Variants in TLL1 observed in about 807,000 individuals in gnomAD.
The protein encoded by TLL1 is tolloid like 1.
A neutral mutation model predicts 128.2 loss-of-function variants in TLL1; 49 were observed. That is an observed-to-expected ratio of 0.38 (90% CI 0.30 to 0.48). The LOEUF is 0.48. Among genes scored for constraint, TLL1 ranks in the 20% least tolerant of loss-of-function variants. The pLI is 0.96. For synonymous variants in TLL1, 454 were observed against 418.8 expected, an observed-to-expected ratio of 1.08 and a Z score of -1.03; for missense variants, 1,123 against 1,242.0, an observed-to-expected ratio of 0.90 and a Z score of 1.44.
chr4:165,965,624 T>C (rs913196286), intron 1 of TLL1, among the ~76,000 whole-genome samples: 2 of 152,178 alleles, frequency 1.3e-5, no homozygotes, highest in African/African-American at 4.8e-5. Context: ...GTACCCTACA[T>C]GATCAGAGGA....
intron 1 of TLL1, among the ~76,000 whole-genome samples, chr4:165,961,370 A>G (rs1204754585): frequency 3.3e-5 from 5 of 152,174 alleles, no homozygotes; most frequent in African/African-American, 7.2e-5. Context: ...GGAAGAATCA[A>G]TATTCTTAAA....
intron 1 of TLL1, among the ~76,000 whole-genome samples, chr4:165,912,318 C>T (rs1379568467): frequency 6.6e-6 from 1 of 152,112 alleles, no homozygotes; most frequent in Non-Finnish European, 1.5e-5. Context: ...GTCTGACTTC[C>T]ACTTCTGTCT....
intron 1 of TLL1, among the ~76,000 whole-genome samples, chr4:165,942,566 T>C (rs1734067368): frequency 6.6e-6 from 1 of 150,826 alleles, no homozygotes; most frequent in Non-Finnish European, 1.5e-5. Flanking sequence ...GGGAAGTAAT[T>C]GAGAGCAGAA....
chr4:166,072,323 T>A (rs1252620928), intron 16 of TLL1, among the ~76,000 whole-genome samples: 1 of 151,872 alleles, frequency 6.6e-6, no homozygotes, highest in African/African-American at 2.4e-5. Flanking sequence ...GAATAATGAC[T>A]ATATAAATAA....
intron 1 of TLL1, among the ~76,000 whole-genome samples, chr4:165,929,214 G>A (rs898847263): frequency 3.3e-5 from 5 of 152,252 alleles, no homozygotes; most frequent in Middle Eastern, 3.4e-3. Flanking sequence ...TTTGGTAGCC[G>A]TGAAAGTCAG....
chr4:165,940,838 G>T (rs911598977), intron 1 of TLL1, among the ~76,000 whole-genome samples: 4 of 151,918 alleles, frequency 2.6e-5, no homozygotes, highest in African/African-American at 7.2e-5. Flanking sequence ...ATGATATTGG[G>T]CAGAGCCAGA....
chr4:166,023,310 G>C (rs902789215), intron 8 of TLL1, among the ~76,000 whole-genome samples: 1 of 152,172 alleles, frequency 6.6e-6, no homozygotes, highest in Non-Finnish European at 1.5e-5. Context: ...TGAGGCAAGA[G>C]AATCACTTGA....
At chr4:165,928,717 C>T (rs907217392) in intron 1 of TLL1, among the ~76,000 whole-genome samples, 1 of 152,166 alleles carries the variant, frequency 6.6e-6, no homozygotes, top group African/African-American at 2.4e-5. Flanking sequence ...TGGACTTTAG[C>T]TGTTCACTCC....
At chr4:166,088,706 A>C (rs1741627970) in intron 18 of TLL1, among the ~76,000 whole-genome samples, 1 of 151,920 alleles carries the variant, frequency 6.6e-6, no homozygotes, top group African/African-American at 2.4e-5. Flanking sequence ...GACTAATATG[A>C]CTCTTACAGA....
intron 8 of TLL1, among the ~76,000 whole-genome samples, chr4:166,023,784 C>T (rs1332868725): frequency 1.3e-5 from 2 of 152,024 alleles, no homozygotes; most frequent in African/African-American, 4.8e-5. Flanking sequence ...TGTATGCATA[C>T]ATTTATGGAT....
chr4:165,883,009 G>A (rs915273765), intron 1 of TLL1, among the ~76,000 whole-genome samples: 2 of 151,950 alleles, frequency 1.3e-5, no homozygotes, highest in Admixed American at 1.3e-4. Flanking sequence ...AAGAGTTAAC[G>A]CACAGAAAGA....
In TLL1 at chr4:166,039,438, C is replaced by T. The variant is rs775648272; in HGVS notation, c.1258C>T (p.Leu420Phe). ...RDGYWRKSPL[L>F]GRFCGDKLPE... ...CGGGTACTGGAGAAAATCACCTCTC[C>T]TTGGTAAGATATCCTTTCCCTTTTA... The change falls in exon 10 of 21, where the codon CTT becomes TTT. Residue 420 changes from leucine to phenylalanine, a missense_variant. Physicochemically the swap from Leu to Phe is conservative, Grantham distance 22 (BLOSUM62 0). Transcript: ENST00000061240. The T allele has an allele frequency of 1.2e-6, 2 of 1,608,614 alleles. No homozygotes were observed. Among genetic ancestry groups the T allele is most frequent in the African/African-American group, 2.7e-5 (2 of 74,902 alleles).
chr4:165,957,770 G>C (rs960959217), intron 1 of TLL1, among the ~76,000 whole-genome samples: 1 of 149,066 alleles, frequency 6.7e-6, no homozygotes, highest in South Asian at 2.1e-4. Flanking sequence ...GTGCCAGTTA[G>C]TTACATACGT....
chr4:165,933,269 C>T (rs925913457), intron 1 of TLL1, among the ~76,000 whole-genome samples: 4 of 152,066 alleles, frequency 2.6e-5, no homozygotes, highest in Non-Finnish European at 5.9e-5. Flanking sequence ...TACATAGAGC[C>T]CAGTGTTGTC....
At chr4:165,928,656 A>C (rs1395063643) in intron 1 of TLL1, among the ~76,000 whole-genome samples, 2 of 152,200 alleles carry the variant, frequency 1.3e-5, no homozygotes, top group Admixed American at 6.5e-5. Context: ...AAAAATTTCC[A>C]AAACAATCTA....
chr4:166,069,345 C>T (rs1486236565), intron 16 of TLL1, among the ~76,000 whole-genome samples: 1 of 151,650 alleles, frequency 6.6e-6, no homozygotes, highest in African/African-American at 2.4e-5. Flanking sequence ...GAAACCTTAA[C>T]ACAATATAAC....
At chr4:166,085,204 A>G (rs1217248456) in intron 18 of TLL1, among the ~76,000 whole-genome samples, 1 of 148,796 alleles carries the variant, frequency 6.7e-6, no homozygotes, top group East Asian at 2.0e-4. Context: ...TTTTCTCCGC[A>G]TGAGATTGTG....
intron 12 of TLL1, chr4:166,044,332 A>G (rs1241366316): frequency 2.0e-6 from 3 of 1,531,700 alleles, no homozygotes; most frequent in Non-Finnish European, 2.6e-6. Context: ...GAGGGCAGTG[A>G]CCGTGGTCAT....
chr4:165,997,128 A>G (rs761431733), intron 5 of TLL1, among the ~76,000 whole-genome samples: 1 of 151,996 alleles, frequency 6.6e-6, no homozygotes, highest in African/African-American at 2.4e-5. Flanking sequence ...TGTTGACACA[A>G]TTTCATAAAA....
Sources: gnomAD v4.1 joint callset for allele counts (sites outside exome capture counted in the v4.1 genomes callset) on GRCh38, gnomAD v4.1.1 for gene constraint, MANE v1.5 for transcripts, NCBI Gene and HGNC (gene_info 2026-07-23, HGNC 2026-07-21) for gene names.